Variants in SYN3 observed in about 807,000 individuals in gnomAD.
SYN3 encodes the protein synapsin III, also known as synapsin-3.
A neutral mutation model predicts 65.8 loss-of-function variants in SYN3; 35 were observed. The observed-to-expected ratio is 0.53, with a 90% CI of 0.41 to 0.70. The LOEUF is 0.70. SYN3 is among the 30% of genes least tolerant of loss of function. The pLI, the probability that SYN3 is intolerant of heterozygous loss-of-function variation, is 0.00. For missense variants in SYN3, 680 were observed against 749.0 expected (o/e 0.91, Z 1.08); for synonymous variants, 270 against 292.9 (o/e 0.92, Z 0.80).
At chr22:32,975,201 C>T (rs544678979) in intron 3 of SYN3, among the ~76,000 whole-genome samples, 3 of 152,140 alleles carry the variant, frequency 2.0e-5, no homozygotes, top group African/African-American at 7.2e-5. Flanking sequence ...ATGGTGAAAC[C>T]CTGTCTTTAC....
At chr22:32,754,228 T>C (rs757683122) in intron 6 of SYN3, among the ~76,000 whole-genome samples, 4 of 152,150 alleles carry the variant, frequency 2.6e-5, no homozygotes, top group Non-Finnish European at 5.9e-5. Context: ...CTTGGTTCAC[T>C]GCAACCTCTG....
At chr22:33,012,083 T>C (rs996586015) in intron 1 of SYN3, among the ~76,000 whole-genome samples, 5 of 152,190 alleles carry the variant, frequency 3.3e-5, no homozygotes, top group Admixed American at 6.5e-5. Flanking sequence ...TACTTTTGGT[T>C]TAAGTTTAAT....
At chr22:32,764,153 G>C (rs5754257) in intron 6 of SYN3, among the ~76,000 whole-genome samples, 1 of 152,126 alleles carries the variant, frequency 6.6e-6, no homozygotes, top group African/African-American at 2.4e-5. Flanking sequence ...AGGTTGGCCA[G>C]GCTGGTCTCG....
At chr22:32,907,647 AGCTATGGCCCATGG>A (rs2049938212) in intron 4 of SYN3, among the ~76,000 whole-genome samples, 1 of 152,198 alleles carries the variant, frequency 6.6e-6, no homozygotes, top group Admixed American at 6.5e-5. Flanking sequence ...CAAATTAACA[AGCTATGGCCCATGG>A]GCTGGCTCAC....
chr22:33,035,680 G>A (rs73162090), intron 1 of SYN3, among the ~76,000 whole-genome samples: 25,761 of 152,196 alleles, frequency 0.17, 2,386 homozygotes, highest in Non-Finnish European at 0.21. Context: ...CTGGAGTCAA[G>A]TGATCCTCCC....
chr22:32,882,410 T>G (rs917538632), intron 4 of SYN3, among the ~76,000 whole-genome samples: 1 of 152,208 alleles, frequency 6.6e-6, no homozygotes. Context: ...AAAAAAAATC[T>G]AAAACAAATT....
At chr22:32,885,234 C>T (rs2049256029) in intron 4 of SYN3, among the ~76,000 whole-genome samples, 1 of 151,962 alleles carries the variant, frequency 6.6e-6, no homozygotes, top group African/African-American at 2.4e-5. Context: ...CTGCAAATAA[C>T]AGTGATGACT....
At chr22:32,708,504 A>T (rs1008678148) in intron 6 of SYN3, among the ~76,000 whole-genome samples, 2 of 152,174 alleles carry the variant, frequency 1.3e-5, no homozygotes, top group African/African-American at 4.8e-5. Flanking sequence ...TCCAAGGAAG[A>T]CACAGTTTTA....
At chr22:32,764,195 G>A (rs1295934881) in intron 6 of SYN3, among the ~76,000 whole-genome samples, 3 of 152,032 alleles carry the variant, frequency 2.0e-5, no homozygotes, top group Non-Finnish European at 4.4e-5. Context: ...CACCCGCCTC[G>A]GCCTCCCAAA....
At chr22:32,911,447 C>T (rs1019382873) in intron 4 of SYN3, among the ~76,000 whole-genome samples, 2 of 152,156 alleles carry the variant, frequency 1.3e-5, no homozygotes, top group African/African-American at 4.8e-5. Context: ...TGACTCTTCT[C>T]CTGCCTCAGT....
intron 6 of SYN3, among the ~76,000 whole-genome samples, chr22:32,793,874 T>C (rs567498103): frequency 6.6e-6 from 1 of 152,362 alleles, no homozygotes; most frequent in Non-Finnish European, 1.5e-5. Context: ...GTTGAAAATC[T>C]GGGAATACCA....
chr22:32,858,158 G>A lies in SYN3; in HGVS notation c.711+6757C>T, dbSNP rs748420372. ...TGCAAGGTAAGCTCTGGGGTCACTGGGGGAAGGAGGGGAGGTGCTGACTTG... is the reference window on the plus strand; with the variant it reads ...TGCAAGGTAAGCTCTGGGGTCACTGAGGGAAGGAGGGGAGGTGCTGACTTG... On this transcript the variant is annotated intron_variant, in intron 6 of 13. Transcript: ENST00000358763. 9 of 1,611,456 alleles carry A rather than the reference G, an allele frequency of 5.6e-6. No homozygotes were observed. In the Admixed American group the frequency reaches 1.5e-4, roughly 27 times the overall value.
intron 7 of SYN3, among the ~76,000 whole-genome samples, chr22:32,562,256 G>A (rs2058596873): frequency 6.6e-6 from 1 of 152,230 alleles, no homozygotes; most frequent in South Asian, 2.1e-4. Flanking sequence ...AACGTCTCCA[G>A]CCGACTGGAA....
rs894637813 is a variant in SYN3, at chr22:33,000,838, A to T, written c.311+5514T>A. Among the ~76,000 whole-genome samples the T allele has an allele frequency of 2.6e-5, 4 of 152,000 alleles. 1 individual carries two copies. The East Asian group carries it at 7.7e-4, about 29-fold the overall frequency. ...GAGGGGGCTGGCCCAGAGGCACCAG[A>T]CTCTGCAGAACCACCCAGGCATTGT... On this transcript the variant is annotated intron_variant, in intron 2 of 13. Transcript: ENST00000358763.
intron 6 of SYN3, among the ~76,000 whole-genome samples, chr22:32,617,262 T>C (rs1192150705): frequency 1.3e-5 from 2 of 152,150 alleles, no homozygotes; most frequent in East Asian, 3.9e-4. Flanking sequence ...CTGTCAGAAA[T>C]ACATGCTGAA....
intron 6 of SYN3, among the ~76,000 whole-genome samples, chr22:32,687,671 T>C (rs57766020): frequency 0.02 from 3,102 of 152,218 alleles, 111 homozygotes; most frequent in African/African-American, 0.071. Context: ...CCTCTTGAGC[T>C]CACCTTGTAT....
In SYN3 at chr22:32,721,069, T is replaced by G. The variant is rs117729147; in HGVS notation, c.712-124333A>C. 2.6e-4 allele frequency among the ~76,000 whole-genome samples: 40 copies of G among 152,358 alleles called. 1 individual carries two copies. The East Asian group carries it at 7.1e-3, about 27-fold the overall frequency. The stretch of plus-strand genomic sequence containing the variant: ...TGGAGCCAGACAATCTGTTTCTCAT[T>G]AGCTGTACTTTTGCTGTGAAATGAA... On this transcript the variant is annotated intron_variant, in intron 6 of 13. Transcript: ENST00000358763.
chr22:32,670,981 A>C (rs1210522380), intron 6 of SYN3, among the ~76,000 whole-genome samples: 1 of 152,186 alleles, frequency 6.6e-6, no homozygotes, highest in Non-Finnish European at 1.5e-5. Flanking sequence ...ACAACGGAGC[A>C]AAGTGTGGTG....
chr22:32,702,364 G>C (rs2060821443), intron 6 of SYN3, among the ~76,000 whole-genome samples: 1 of 152,156 alleles, frequency 6.6e-6, no homozygotes, highest in African/African-American at 2.4e-5. Context: ...TGTAGTCCCA[G>C]CTACTCGGGA....
Sources: gnomAD v4.1 joint callset for allele counts (sites outside exome capture counted in the v4.1 genomes callset) on GRCh38, gnomAD v4.1.1 for gene constraint, MANE v1.5 for transcripts, NCBI Gene and HGNC (gene_info 2026-07-23, HGNC 2026-07-21) for gene names.